Variants in SGCD observed in about 807,000 individuals in gnomAD.
SGCD encodes the protein sarcoglycan delta.
Under a neutral mutation model 36.6 loss-of-function variants are expected in SGCD, and 18 were observed. The ratio of observed to expected loss-of-function variants is 0.49; its 90% CI spans 0.34 to 0.73. The LOEUF (loss-of-function observed/expected upper bound fraction) is 0.73. Among genes scored for constraint, SGCD ranks in the 30% least tolerant of loss-of-function variants. The pLI, the probability that SGCD is intolerant of heterozygous loss-of-function variation, is 0.01. For synonymous variants in SGCD, 133 were observed against 130.6 expected (o/e 1.02, Z -0.12); for missense variants, 387 against 346.7 (o/e 1.12, Z -0.92).
At chr5:155,822,326 T>C in the SGCD span, among the ~76,000 whole-genome samples, 1 of 152,230 alleles carries the variant, frequency 6.6e-6, no homozygotes, top group South Asian at 2.1e-4. Flanking sequence ...CCCAGCTGAA[T>C]CAGCTGCACG....
At chr5:156,688,200 C>T (rs913206205) in intron 7 of SGCD, among the ~76,000 whole-genome samples, 5 of 152,044 alleles carry the variant, frequency 3.3e-5, no homozygotes, top group African/African-American at 1.2e-4. Context: ...TTTCCTGATC[C>T]TCTCCCTCCT....
chr5:156,191,527 C>A (rs1005689072), intron 3 of SGCD, among the ~76,000 whole-genome samples: 14 of 151,156 alleles, frequency 9.3e-5, no homozygotes, highest in African/African-American at 3.4e-4. Context: ...TAATTGCATA[C>A]ACCCAATAAT....
At chr5:156,388,540 T>A (rs746229992) in intron 3 of SGCD, among the ~76,000 whole-genome samples, 10 of 152,222 alleles carry the variant, frequency 6.6e-5, no homozygotes, top group Non-Finnish European at 1.3e-4. Flanking sequence ...ATTTAATGAC[T>A]GATTGCTGTT....
In SGCD at chr5:156,273,927, T is replaced by C. The variant is rs139730761; in HGVS notation, c.-43-55607T>C. 6.8e-4 allele frequency among the ~76,000 whole-genome samples: 103 copies of C among 152,258 alleles called. 2 individuals are homozygous for C. In the East Asian group the frequency reaches 9.5e-3, roughly 14 times the overall value. ...GGAAACCCAATTCTATTCTCAGGGA[T>C]TGGACATAATTCCAAGGTTCCATAC... On this transcript the variant is annotated intron_variant, in intron 3 of 9. Coordinates refer to the SGCD transcript ENST00000517913.
chr5:156,174,243 A>G (rs1036253829), intron 3 of SGCD, among the ~76,000 whole-genome samples: 1 of 152,226 alleles, frequency 6.6e-6, no homozygotes, highest in Non-Finnish European at 1.5e-5. Context: ...AATAAATTGA[A>G]GTCGGTAGAG....
At chr5:156,689,469 T>C (rs1754032617) in intron 7 of SGCD, among the ~76,000 whole-genome samples, 1 of 152,144 alleles carries the variant, frequency 6.6e-6, no homozygotes, top group Non-Finnish European at 1.5e-5. Flanking sequence ...AGGCATCATA[T>C]CCCGAAATCT....
chr5:155,740,948 ATGTGCCCAAAGTGGT>A, the SGCD span, among the ~76,000 whole-genome samples: 3 of 152,208 alleles, frequency 2.0e-5, no homozygotes, highest in Non-Finnish European at 4.4e-5. Flanking sequence ...TCCTGAGAAC[ATGTGCCCAAAGTGGT>A]TGGGTTATAG....
chr5:156,082,597 T>C (rs1241575535), intron 1 of SGCD, among the ~76,000 whole-genome samples: 2 of 152,248 alleles, frequency 1.3e-5, no homozygotes, highest in African/African-American at 4.8e-5. Context: ...TTTCATGGTA[T>C]ATACCACAGT....
At chr5:156,722,877 C>A (rs540131828) in intron 7 of SGCD, among the ~76,000 whole-genome samples, 30 of 152,334 alleles carry the variant, frequency 2.0e-4, no homozygotes, top group African/African-American at 7.0e-4. Context: ...CATCCTATCA[C>A]CTTTTTGTGG....
At chr5:156,706,435 A>G (rs1427708285) in intron 7 of SGCD, among the ~76,000 whole-genome samples, 3 of 152,020 alleles carry the variant, frequency 2.0e-5, no homozygotes, top group Non-Finnish European at 4.4e-5. Flanking sequence ...GTGTAGCTGT[A>G]TCTCCTTAAC....
intron 1 of SGCD, among the ~76,000 whole-genome samples, chr5:155,870,849 A>C (rs907495720): frequency 2.6e-5 from 4 of 152,134 alleles, no homozygotes; most frequent in Non-Finnish European, 4.4e-5. Context: ...TGTGGGTTTG[A>C]CTTACGGGTC....
chr5:156,734,599 G>C (rs1051024902), intron 7 of SGCD, among the ~76,000 whole-genome samples: 2 of 151,596 alleles, frequency 1.3e-5, no homozygotes, highest in African/African-American at 4.8e-5. Context: ...TTTTTCTCTA[G>C]TCAGAAAGGC....
At chr5:156,142,051 G>C (rs2127610747) in intron 3 of SGCD, among the ~76,000 whole-genome samples, 1 of 152,250 alleles carries the variant, frequency 6.6e-6, no homozygotes, top group African/African-American at 2.4e-5. Context: ...TTGAATCATG[G>C]GAGCAGTTTC....
chr5:155,901,627 C>T (rs1289482600), intron 1 of SGCD, among the ~76,000 whole-genome samples: 2 of 151,876 alleles, frequency 1.3e-5, no homozygotes, highest in Non-Finnish European at 2.9e-5. Context: ...TATAAAGACA[C>T]GTGGTAAGAA....
Position 155,944,919 on chromosome 5 carries a change from AAT to A in SGCD, c.-282+74497_-282+74498del, listed in dbSNP as rs1491205290. Among the ~76,000 whole-genome samples, 339 of 148,338 alleles carry A rather than the reference AAT, an allele frequency of 2.3e-3. 2 individuals carry two copies. The highest frequency in any genetic ancestry group is 8.4e-3 in the African/African-American group (324 of 38,764). On this transcript the variant is annotated intron_variant, in intron 1 of 9. Transcript: ENST00000517913. ...AAGATGTAAGAGCCATGCAAAAAAAAATAATAATAATAAGGGAGTGTAAATCT... is the reference window on the plus strand; with the variant it reads ...AAGATGTAAGAGCCATGCAAAAAAAAAATAATAATAAGGGAGTGTAAATCT...
At chr5:156,014,114 T>C (rs1758916528) in intron 1 of SGCD, among the ~76,000 whole-genome samples, 1 of 152,146 alleles carries the variant, frequency 6.6e-6, no homozygotes, top group Admixed American at 6.6e-5. Context: ...CTTTTTGGGC[T>C]TTTAGTTGTC....
chr5:156,018,504 T>A (rs2127572691), intron 1 of SGCD, among the ~76,000 whole-genome samples: 1 of 152,338 alleles, frequency 6.6e-6, no homozygotes, highest in South Asian at 2.1e-4. Context: ...GCCACACTTT[T>A]ATATTGCAGA....
intron 3 of SGCD, among the ~76,000 whole-genome samples, chr5:156,192,084 G>T (rs1368367046): frequency 6.6e-6 from 1 of 152,134 alleles, no homozygotes; most frequent in Non-Finnish European, 1.5e-5. Flanking sequence ...TCTTTTCCCA[G>T]AGATTACTGG....
intron 3 of SGCD, among the ~76,000 whole-genome samples, chr5:156,461,576 TAATA>T (rs1294196908): frequency 1.3e-5 from 2 of 152,156 alleles, no homozygotes; most frequent in African/African-American, 4.8e-5. Flanking sequence ...AAAATATTGT[TAATA>T]AATTCATTTT....
Sources: allele counts gnomAD v4.1 joint callset (sites outside exome capture counted in the v4.1 genomes callset), GRCh38; gene constraint gnomAD v4.1.1; transcripts MANE v1.5; gene names NCBI Gene and HGNC (gene_info 2026-07-23, HGNC 2026-07-21).